The following SUGCT variants were observed in gnomAD, a reference collection of about 807,000 sequenced individuals.
SUGCT encodes the protein succinyl-CoA:glutarate CoA-transferase.
Under a neutral mutation model 55.0 loss-of-function variants are expected in SUGCT, and 41 were observed. That is an observed-to-expected ratio of 0.74 (90% CI 0.58 to 0.97). The LOEUF is 0.97. SUGCT is among the 50% of genes least tolerant of loss of function. The pLI is 0.00. For synonymous variants in SUGCT, 187 were observed against 200.4 expected, an observed-to-expected ratio of 0.93 and a Z score of 0.56; for missense variants, 568 against 547.8, an observed-to-expected ratio of 1.04 and a Z score of -0.37.
intron 11 of SUGCT, among the ~76,000 whole-genome samples, chr7:40,469,820 G>GGGATGATGGTGATGGGAGGGAGTCCA (rs1790313367): frequency 2.6e-5 from 4 of 152,152 alleles, no homozygotes; most frequent in Admixed American, 6.5e-5. Flanking sequence ...GTATACGGAG[G>GGGATGATGGTGATGGGAGGGAGTCCA]GGATGATGGT....
intron 7 of SUGCT, among the ~76,000 whole-genome samples, chr7:40,262,642 G>A (rs1475433400): frequency 5.9e-5 from 9 of 151,952 alleles, no homozygotes; most frequent in African/African-American, 2.2e-4. Flanking sequence ...TCCAGCCTGG[G>A]CGACAGAGCA....
intron 11 of SUGCT, among the ~76,000 whole-genome samples, chr7:40,492,553 G>A (rs1265930894): frequency 6.6e-6 from 1 of 152,152 alleles, no homozygotes; most frequent in African/African-American, 2.4e-5. Context: ...TTTGCATTCT[G>A]GTTCTAAACT....
Position 40,195,050 on chromosome 7 carries a change from T to C in SUGCT, c.474T>C (p.Cys158=). The C allele has an allele frequency of 6.2e-7, 1 of 1,613,184 alleles. No individual in the cohort carries two copies. The highest frequency in any genetic ancestry group is 8.5e-7 in the Non-Finnish European group (1 of 1,179,488). The part of the protein sequence containing the change: ...IDEIAPHIIY[C]SITGYGQTGP... ...AGATTGCTCCTCACATCATCTATTG[T>C]TCCATCACAGGTATTTCAACCCCAC... Residue 158 remains cysteine, a synonymous_variant, in exon 6 of 14, where the codon TGT becomes TGC. Coordinates refer to ENST00000335693, the MANE Select transcript of SUGCT (RefSeq NM_001193313.2).
At chr7:40,863,266 T>A (rs1794526351), downstream of SUGCT, among the ~76,000 whole-genome samples, 1 of 152,108 alleles carries the variant, frequency 6.6e-6, no homozygotes, top group African/African-American at 2.4e-5. Context: ...GGCTAGTTCA[T>A]ACCAGGACAT....
intron 3 of SUGCT, among the ~76,000 whole-genome samples, chr7:40,186,098 C>A (rs996614374): frequency 1.4e-5 from 2 of 147,330 alleles, no homozygotes; most frequent in African/African-American, 5.2e-5. Context: ...TTTCTTCCTT[C>A]CTTCCTTCCT....
the SUGCT span, among the ~76,000 whole-genome samples, chr7:40,997,710 G>C: frequency 3.9e-5 from 6 of 152,150 alleles, no homozygotes; most frequent in African/African-American, 1.4e-4. Flanking sequence ...GAAATTATTT[G>C]ATGACATCTC....
At chr7:40,495,411 A>G (rs1165489422) in intron 11 of SUGCT, among the ~76,000 whole-genome samples, 2 of 152,262 alleles carry the variant, frequency 1.3e-5, no homozygotes, top group Middle Eastern at 6.8e-3. Context: ...CTAATATTTT[A>G]AAAATGTCTC....
chr7:40,504,048 G>A (rs1384040035), intron 12 of SUGCT, among the ~76,000 whole-genome samples: 1 of 152,026 alleles, frequency 6.6e-6, no homozygotes, highest in East Asian at 1.9e-4. Context: ...TAAAATGAAG[G>A]TCAGCTTTGC....
chr7:40,659,288 T>G (rs1178245656), intron 12 of SUGCT, among the ~76,000 whole-genome samples: 4 of 151,990 alleles, frequency 2.6e-5, no homozygotes, highest in Non-Finnish European at 5.9e-5. Context: ...CATGTGGAGG[T>G]GTAGTCATCT....
intron 10 of SUGCT, among the ~76,000 whole-genome samples, chr7:40,456,076 A>C (rs1789469472): frequency 6.6e-6 from 1 of 151,882 alleles, no homozygotes; most frequent in South Asian, 2.1e-4. Flanking sequence ...CCCAGGATGG[A>C]GTGTAGTGGC....
Position 40,630,563 on chromosome 7 carries a change from A to G in SUGCT, c.1090-118871A>G, listed in dbSNP as rs989047438. Among the ~76,000 whole-genome samples, 8 of 152,224 alleles carry G rather than the reference A, an allele frequency of 5.3e-5. No individual in the cohort carries two copies. The East Asian group carries it at 1.3e-3, about 26-fold the overall frequency. Reference sequence around the variant, plus strand: ...AATGGAATATTGGAACTTAGATGCTATCCTATCTCAGTAAATGGAGAAGAG... The same window carrying G: ...AATGGAATATTGGAACTTAGATGCTGTCCTATCTCAGTAAATGGAGAAGAG... On this transcript the variant is annotated intron_variant, in intron 12 of 13. Transcript: ENST00000335693.
chr7:40,368,356 C>T (rs942642528), intron 9 of SUGCT, among the ~76,000 whole-genome samples: 2 of 152,056 alleles, frequency 1.3e-5, no homozygotes, highest in African/African-American at 2.4e-5. Flanking sequence ...TACCACCACA[C>T]CCAGCTAATT....
chr7:40,486,892 A>T (rs1381359594), intron 11 of SUGCT, among the ~76,000 whole-genome samples: 2 of 151,400 alleles, frequency 1.3e-5, no homozygotes, highest in African/African-American at 4.9e-5. Flanking sequence ...ACACCTGGCT[A>T]ACTTTTTTTT....
intron 6 of SUGCT, among the ~76,000 whole-genome samples, chr7:40,217,052 G>A (rs1309299788): frequency 2.6e-5 from 4 of 151,920 alleles, no homozygotes; most frequent in Non-Finnish European, 5.9e-5. Context: ...TGTTTATGGA[G>A]TCTGTATCTG....
chr7:40,703,146 A>T (rs1455739870), intron 12 of SUGCT, among the ~76,000 whole-genome samples: 1 of 147,838 alleles, frequency 6.8e-6, no homozygotes, highest in African/African-American at 2.5e-5. Flanking sequence ...CTCACTGCAA[A>T]CTCCGCCTCT....
the SUGCT span, among the ~76,000 whole-genome samples, chr7:40,976,454 T>C: frequency 6.6e-6 from 1 of 152,226 alleles, no homozygotes; most frequent in Non-Finnish European, 1.5e-5. Flanking sequence ...AAGCCTTAGA[T>C]AAATAGAAGA....
At chr7:40,266,551 T>C (rs1000193309) in intron 7 of SUGCT, among the ~76,000 whole-genome samples, 5 of 152,106 alleles carry the variant, frequency 3.3e-5, no homozygotes, top group African/African-American at 1.2e-4. Flanking sequence ...AGAGCTATGA[T>C]CAAAACTAAG....
chr7:40,931,707 C>T, the SUGCT span, among the ~76,000 whole-genome samples: 1 of 152,154 alleles, frequency 6.6e-6, no homozygotes, highest in African/African-American at 2.4e-5. Context: ...AGTTTATTTG[C>T]ATAGAGGTCT....
At chr7:40,571,502 C>G (rs1031896614) in intron 12 of SUGCT, among the ~76,000 whole-genome samples, 1 of 152,148 alleles carries the variant, frequency 6.6e-6, no homozygotes, top group Admixed American at 6.5e-5. Context: ...TCTATACTTT[C>G]TGTATACAGG....
Sources: allele counts gnomAD v4.1 joint callset (sites outside exome capture counted in the v4.1 genomes callset), GRCh38; gene constraint gnomAD v4.1.1; transcripts MANE v1.5; gene names NCBI Gene and HGNC (gene_info 2026-07-23, HGNC 2026-07-21).